Variants in SLCO1B3 observed in about 807,000 individuals in gnomAD.
SLCO1B3 encodes solute carrier organic anion transporter family member 1B3.
In SLCO1B3, 72 loss-of-function variants were observed where a neutral mutation model predicts 71.8. The ratio of observed to expected loss-of-function variants is 1.00; its 90% confidence interval spans 0.83 to 1.22. The LOEUF (loss-of-function observed/expected upper bound fraction) is 1.22, where lower values mean the gene tolerates loss of function less well. Ranked by LOEUF, SLCO1B3 falls within the 50% of genes most tolerant of loss-of-function variation. The pLI is 0.00. For synonymous variants in SLCO1B3, 298 were observed against 278.4 expected (o/e 1.07, Z -0.70); for missense variants, 911 against 819.7 (o/e 1.11, Z -1.36).
At chr12:20,824,466 C>T (rs2121103801) in intron 3 of SLCO1B3, among the ~76,000 whole-genome samples, 2 of 152,100 alleles carry the variant, frequency 1.3e-5, no homozygotes, top group Middle Eastern at 6.8e-3. Context: ...TACAAACTGT[C>T]CTATAAAAGG....
chr12:20,841,498 G>A (rs1430388074), intron 3 of SLCO1B3, among the ~76,000 whole-genome samples: 1 of 92,620 alleles, frequency 1.1e-5, no homozygotes, highest in Non-Finnish European at 2.8e-5. Flanking sequence ...TTCTACCATT[G>A]CCTGCCATAA....
intron 4 of SLCO1B3, among the ~76,000 whole-genome samples, chr12:20,856,512 A>G (rs1865140394): frequency 6.6e-6 from 1 of 152,228 alleles, no homozygotes; most frequent in Non-Finnish European, 1.5e-5. Context: ...GATGATATAA[A>G]GCATACAGGA....
chr12:20,857,924 T>C (rs1865174718), intron 4 of SLCO1B3, among the ~76,000 whole-genome samples: 1 of 152,124 alleles, frequency 6.6e-6, no homozygotes, highest in African/African-American at 2.4e-5. Context: ...ACAAAGCCCC[T>C]AATTAATTTA....
intron 8 of SLCO1B3, among the ~76,000 whole-genome samples, chr12:20,863,841 T>C (rs569099473): frequency 2.6e-5 from 4 of 152,344 alleles, no homozygotes; most frequent in Admixed American, 6.5e-5. Context: ...TTACCACTAA[T>C]AAAACACAAT....
intron 13 of SLCO1B3, among the ~76,000 whole-genome samples, 196 bp downstream of exon 13, chr12:20,883,798 A>C (rs1001513578): frequency 6.6e-6 from 1 of 151,834 alleles, no homozygotes; most frequent in Non-Finnish European, 1.5e-5. Context: ...TCCATTGTCA[A>C]ATCTAGGCTC....
intron 3 of SLCO1B3, among the ~76,000 whole-genome samples, 187 bp from the exon 4 acceptor site, chr12:20,854,841 G>T (rs145435952): frequency 1.1e-4 from 16 of 152,300 alleles, no homozygotes; most frequent in African/African-American, 3.8e-4. Context: ...AGAAAATCAT[G>T]CTTTAGTAGT....
intron 3 of SLCO1B3, chr12:20,845,108 G>A: frequency 2.3e-6 from 1 of 427,070 alleles, no homozygotes; most frequent in Non-Finnish European, 4.6e-6. Context: ...GGTGATGGAA[G>A]CCATTTTATT....
rs779540861 is a variant in SLCO1B3 at position 20,879,428 on chromosome 12, A to G, written c.1136-8A>G. 1 of 1,556,840 alleles carries G rather than the reference A, an allele frequency of 6.4e-7. No individual in the cohort carries two copies. Among genetic ancestry groups the G allele is most frequent in the East Asian group, 2.3e-5 (1 of 44,390 alleles). ...AATTATAGCTTTTTTCTCTTCTTTT[A>G]TTTCTAGGAATCATAACCATTCCTA... On this transcript the variant is annotated splice_polypyrimidine_tract_variant and splice_region_variant and intron_variant, in intron 10 of 15. Coordinates refer to ENST00000381545, the MANE Select transcript of SLCO1B3 (RefSeq NM_019844.4).
chr12:20,850,622 A>G (rs1310595716), intron 3 of SLCO1B3, among the ~76,000 whole-genome samples: 1 of 152,172 alleles, frequency 6.6e-6, no homozygotes, highest in East Asian at 1.9e-4. Context: ...TAAACATAGT[A>G]CTTGATAGGT....
At position 20,842,115 on chromosome 12, in the gene SLCO1B3, T is replaced by TG. The variant is rs202064787; in HGVS notation, c.85-12912dup. ...TTCACCGTATTGGTCAGGCTGGTCT[T>TG]GAACTCCTGACCTCGTGATCCACCT... On this transcript the variant is annotated intron_variant, in intron 3 of 15. Coordinates refer to ENST00000381545, the MANE Select transcript of SLCO1B3 (RefSeq NM_019844.4). Among the ~76,000 whole-genome samples, 394 of 152,204 alleles carry TG rather than the reference T, an allele frequency of 2.6e-3. 15 individuals are homozygous for TG. The East Asian group carries it at 0.068, about 26-fold the overall frequency.
chr12:20,884,004 C>T (rs1231474365), intron 13 of SLCO1B3, among the ~76,000 whole-genome samples: 1 of 152,156 alleles, frequency 6.6e-6, no homozygotes, highest in Non-Finnish European at 1.5e-5. Context: ...TAAATACAAA[C>T]TTCAATTTGT....
intron 3 of SLCO1B3, among the ~76,000 whole-genome samples, chr12:20,818,566 G>C (rs189944194): frequency 4.6e-5 from 7 of 152,266 alleles, no homozygotes; most frequent in Admixed American, 1.3e-4. Flanking sequence ...AGCTTGTTGT[G>C]TAGGGAAGGG....
At chr12:20,856,155 A>G (rs1591763379) in intron 4 of SLCO1B3, among the ~76,000 whole-genome samples, 1 of 152,322 alleles carries the variant, frequency 6.6e-6, no homozygotes, top group East Asian at 1.9e-4. Context: ...CGTTTAATTC[A>G]CTGTATGTCT....
chr12:20,839,908 C>T (rs1030012368), intron 3 of SLCO1B3, among the ~76,000 whole-genome samples: 1 of 152,162 alleles, frequency 6.6e-6, no homozygotes, highest in Admixed American at 6.5e-5. Context: ...TTCTGAAGCT[C>T]ATATAGCCTT....
chr12:20,815,868 A>G, intron 3 of SLCO1B3, 46 bp downstream of exon 3: 1 of 1,256,010 alleles, frequency 8.0e-7, no homozygotes. Context: ...TTAATGGAAA[A>G]TTTTTATGTA....
intron 11 of SLCO1B3, 84 bp downstream of exon 11, chr12:20,879,715 C>T: frequency 1.1e-6 from 1 of 892,598 alleles, no homozygotes; most frequent in South Asian, 2.5e-5. Flanking sequence ...AGGTAGAAAA[C>T]AATTGTAATT....
chr12:20,876,488 T>G (rs1467444588), intron 9 of SLCO1B3, among the ~76,000 whole-genome samples: 1 of 151,888 alleles, frequency 6.6e-6, no homozygotes, highest in Non-Finnish European at 1.5e-5. Context: ...TTCACTTACC[T>G]TTTTTTTTGT....
chr12:20,832,474 TAAC>T, intron 3 of SLCO1B3, among the ~76,000 whole-genome samples: 1 of 150,544 alleles, frequency 6.6e-6, no homozygotes, highest in African/African-American at 2.5e-5. Flanking sequence ...TGAAAATCTT[TAAC>T]AACAAAAAAG....
In SLCO1B3 at chr12:20,836,741, A is replaced by G. The variant is rs377014073; in HGVS notation, c.85-18287A>G. Among the ~76,000 whole-genome samples, 94 of 152,184 alleles carry G rather than the reference A, an allele frequency of 6.2e-4. 2 individuals are homozygous for G. In the East Asian group the frequency reaches 0.014, roughly 22 times the overall value. On this transcript the variant is annotated intron_variant, in intron 3 of 15. Transcript: ENST00000381545. ...ACTGCAACCTCTGCCTCCCTGGTTCATGCCATTCTCCTGCCTCAGCCTCCT... is the reference window on the plus strand; with the variant it reads ...ACTGCAACCTCTGCCTCCCTGGTTCGTGCCATTCTCCTGCCTCAGCCTCCT...
Sources: allele counts gnomAD v4.1 joint callset (sites outside exome capture counted in the v4.1 genomes callset), GRCh38; gene constraint gnomAD v4.1.1; transcripts MANE v1.5; gene names NCBI Gene and HGNC (gene_info 2026-07-23, HGNC 2026-07-21).